The following SEMA3A variants were observed in gnomAD, a reference collection of about 807,000 sequenced individuals.
SEMA3A encodes semaphorin-3A.
A neutral mutation model predicts 97.9 loss-of-function variants in SEMA3A; 29 were observed. The observed-to-expected ratio is 0.30, with a 90% CI of 0.22 to 0.40. The LOEUF is 0.40. Ranked by LOEUF, SEMA3A falls within the 10% of genes least tolerant of loss-of-function variation. The pLI is 1.00. For missense variants in SEMA3A, 763 were observed against 951.3 expected, an observed-to-expected ratio of 0.80 and a Z score of 2.60; for synonymous variants, 321 against 323.7, an observed-to-expected ratio of 0.99 and a Z score of 0.09.
At chr7:84,392,935 G>T in intron 1 of SEMA3A, among the ~76,000 whole-genome samples, 1 of 151,576 alleles carries the variant, frequency 6.6e-6, no homozygotes, top group African/African-American at 2.4e-5. Flanking sequence ...TATATATTTT[G>T]GATACTAATT....
intron 6 of SEMA3A, among the ~76,000 whole-genome samples, chr7:84,028,357 T>C (rs1340341636): frequency 6.6e-6 from 1 of 152,198 alleles, no homozygotes; most frequent in Non-Finnish European, 1.5e-5. Flanking sequence ...GAAAATACAA[T>C]ATGTAAATAC....
intron 4 of SEMA3A, among the ~76,000 whole-genome samples, chr7:84,110,111 C>T (rs1795232666): frequency 6.6e-6 from 1 of 152,104 alleles, no homozygotes; most frequent in Admixed American, 6.6e-5. Flanking sequence ...AACTGGGTGG[C>T]AGACACTTCT....
At chr7:84,203,743 C>T (rs1584121536) in intron 3 of SEMA3A, among the ~76,000 whole-genome samples, 1 of 151,394 alleles carries the variant, frequency 6.6e-6, no homozygotes, top group African/African-American at 2.4e-5. Flanking sequence ...GTTAGTCAGT[C>T]TGGTCTCGAA....
intron 3 of SEMA3A, among the ~76,000 whole-genome samples, chr7:84,275,776 A>G (rs1322916033): frequency 6.6e-6 from 1 of 152,054 alleles, no homozygotes; most frequent in Non-Finnish European, 1.5e-5. Context: ...TAAAATGCAT[A>G]CCAAATTTCA....
At chr7:84,149,114 A>G (rs1438849548) in intron 1 of SEMA3A, among the ~76,000 whole-genome samples, 1 of 152,202 alleles carries the variant, frequency 6.6e-6, no homozygotes, top group Non-Finnish European at 1.5e-5. Context: ...TATCATGTAG[A>G]TAAGTTGGAC....
intron 6 of SEMA3A, among the ~76,000 whole-genome samples, chr7:84,044,819 C>T (rs1184739877): frequency 6.6e-6 from 1 of 151,862 alleles, no homozygotes; most frequent in African/African-American, 2.4e-5. Flanking sequence ...GGGAAGAAAT[C>T]AGTGCTGAAA....
At chr7:84,222,852 C>A (rs1244212099) in intron 3 of SEMA3A, among the ~76,000 whole-genome samples, 1 of 151,782 alleles carries the variant, frequency 6.6e-6, no homozygotes, top group Non-Finnish European at 1.5e-5. Context: ...ACTAGGGAAG[C>A]TTTTGCAAAA....
chr7:83,990,171 T>C (rs1789839995), intron 12 of SEMA3A, among the ~76,000 whole-genome samples: 1 of 151,862 alleles, frequency 6.6e-6, no homozygotes, highest in Non-Finnish European at 1.5e-5. Context: ...GGTTGTTTGT[T>C]TTTTTCTTGT....
chr7:83,994,194 G>A (rs1248641706), intron 12 of SEMA3A, among the ~76,000 whole-genome samples: 1 of 110,304 alleles, frequency 9.1e-6, no homozygotes, highest in Non-Finnish European at 1.9e-5. Context: ...TCTCTGTATT[G>A]GTTATTCTAG....
At chr7:84,094,781 T>C (rs1050492115) in intron 4 of SEMA3A, among the ~76,000 whole-genome samples, 1 of 152,054 alleles carries the variant, frequency 6.6e-6, no homozygotes, top group African/African-American at 2.4e-5. Context: ...CGTTGAAATA[T>C]TTTTGCTTTG....
At chr7:84,247,500 A>G (rs1195278709) in intron 3 of SEMA3A, among the ~76,000 whole-genome samples, 1 of 152,196 alleles carries the variant, frequency 6.6e-6, no homozygotes, top group Non-Finnish European at 1.5e-5. Flanking sequence ...GAAAAATGAT[A>G]TTAAAATTTT....
intron 4 of SEMA3A, among the ~76,000 whole-genome samples, chr7:84,095,116 CTATATATTGCATTA>C (rs1418506866): frequency 2.0e-5 from 3 of 147,254 alleles, no homozygotes; most frequent in Admixed American, 6.9e-5. Context: ...GTGGATCTCT[CTATATATTGCATTA>C]TATATATTGC....
At chr7:84,110,675 T>C (rs760647593) in intron 3 of SEMA3A, 86 bp from the exon 4 acceptor site, 4 of 1,441,414 alleles carry the variant, frequency 2.8e-6, no homozygotes, top group Non-Finnish European at 2.8e-6. Flanking sequence ...TGGAACAGAT[T>C]TGTCTTTTGT....
At chr7:84,110,883 T>A (rs1795259329) in intron 3 of SEMA3A, among the ~76,000 whole-genome samples, 1 of 152,112 alleles carries the variant, frequency 6.6e-6, no homozygotes, top group Non-Finnish European at 1.5e-5. Flanking sequence ...GGAAAAGAAA[T>A]TTAGACAATC....
At chr7:84,098,308 T>G (rs939198790) in intron 4 of SEMA3A, among the ~76,000 whole-genome samples, 3 of 152,096 alleles carry the variant, frequency 2.0e-5, no homozygotes, top group Non-Finnish European at 2.9e-5. Flanking sequence ...ATATTTGTAT[T>G]AGTGCTACAA....
At chr7:84,423,476 C>A (rs1420102263) in intron 1 of SEMA3A, among the ~76,000 whole-genome samples, 1 of 152,050 alleles carries the variant, frequency 6.6e-6, no homozygotes. Context: ...TTCACTTAAC[C>A]AAAGAGGTCT....
intron 2 of SEMA3A, among the ~76,000 whole-genome samples, chr7:84,357,682 C>T (rs150582044): frequency 6.6e-6 from 1 of 151,546 alleles, no homozygotes; most frequent in African/African-American, 2.4e-5. Flanking sequence ...GATAGTATTT[C>T]TAGTTCTAGA....
chr7:84,021,476 T>C (rs191721103), intron 6 of SEMA3A, among the ~76,000 whole-genome samples: 1 of 152,328 alleles, frequency 6.6e-6, no homozygotes, highest in Admixed American at 6.5e-5. Flanking sequence ...CCTTATCTTT[T>C]CTCTCCTGGC....
At chr7:84,105,434 A>G (rs925506711) in intron 4 of SEMA3A, among the ~76,000 whole-genome samples, 2 of 152,124 alleles carry the variant, frequency 1.3e-5, no homozygotes, top group African/African-American at 4.8e-5. Context: ...TTTATTTCAT[A>G]TATAGATATA....
Sources: gnomAD v4.1 joint callset for allele counts (sites outside exome capture counted in the v4.1 genomes callset) on GRCh38, gnomAD v4.1.1 for gene constraint, MANE v1.5 for transcripts, NCBI Gene and HGNC (gene_info 2026-07-23, HGNC 2026-07-21) for gene names.